The following ADAM12 variants were observed in gnomAD, a reference collection of about 807,000 sequenced individuals.
The protein encoded by ADAM12 is ADAM metallopeptidase domain 12, also known as disintegrin and metalloproteinase domain-containing protein 12.
ADAM12 carries 70 observed loss-of-function variants against 106.4 expected under a neutral mutation model. The observed-to-expected ratio is 0.66, with a 90% CI of 0.54 to 0.80. The LOEUF is 0.80. Ranked by LOEUF, ADAM12 falls within the 30% of genes least tolerant of loss-of-function variation. The probability of loss-of-function intolerance (pLI) is 0.00; values close to 1 mark genes in which losing one functional copy is unlikely to be tolerated. For synonymous variants in ADAM12, 420 were observed against 433.5 expected, an observed-to-expected ratio of 0.97 and a Z score of 0.39; for missense variants, 1,010 against 1,171.9, an observed-to-expected ratio of 0.86 and a Z score of 2.02.
chr10:126,238,571 T>C (rs1460282548), intron 3 of ADAM12, among the ~76,000 whole-genome samples: 1 of 152,244 alleles, frequency 6.6e-6, no homozygotes, highest in East Asian at 1.9e-4. Context: ...ACTATCTATA[T>C]GCATCCCAAA....
chr10:126,055,863 C>T (rs11244793), intron 14 of ADAM12, among the ~76,000 whole-genome samples: 1,992 of 152,314 alleles, frequency 0.013, 43 homozygotes, highest in African/African-American at 0.045. Flanking sequence ...ACCTGGGTCA[C>T]GGCCTACCCC....
chr10:126,252,055 G>A (rs1958789064), intron 3 of ADAM12, among the ~76,000 whole-genome samples: 2 of 145,550 alleles, frequency 1.4e-5, no homozygotes, highest in Non-Finnish European at 3.0e-5. Context: ...ATGGATGGAT[G>A]AGATGGATGA....
At chr10:126,191,633 C>A (rs1465408244) in intron 3 of ADAM12, among the ~76,000 whole-genome samples, 1 of 151,950 alleles carries the variant, frequency 6.6e-6, no homozygotes, top group Non-Finnish European at 1.5e-5. Context: ...AGGATTAGGA[C>A]AAAATTTAAG....
chr10:126,120,721 T>G (rs1443998495), intron 5 of ADAM12, among the ~76,000 whole-genome samples: 1 of 151,558 alleles, frequency 6.6e-6, no homozygotes, highest in Non-Finnish European at 1.5e-5. Context: ...TTTCCTTCAG[T>G]TCAGCATGTC....
chr10:126,121,263 T>G (rs1224086194), intron 5 of ADAM12, among the ~76,000 whole-genome samples: 2 of 110,402 alleles, frequency 1.8e-5, no homozygotes, highest in East Asian at 2.4e-4. Flanking sequence ...ATACTATATA[T>G]TATATAATAT....
chr10:126,278,845 T>A, intron 3 of ADAM12, 70 bp downstream of exon 3: 1 of 1,210,440 alleles, frequency 8.3e-7, no homozygotes, highest in Non-Finnish European at 1.2e-6. Flanking sequence ...CCAACATAAA[T>A]CACAGAGCAC....
chr10:126,061,001 C>G (rs1954744430), intron 14 of ADAM12, among the ~76,000 whole-genome samples: 1 of 152,266 alleles, frequency 6.6e-6, no homozygotes, highest in Admixed American at 6.5e-5. Flanking sequence ...GTTGGCCCCA[C>G]TGTCCCTTTG....
At chr10:126,126,548 C>T (rs1444533013) in intron 5 of ADAM12, among the ~76,000 whole-genome samples, 2 of 133,714 alleles carry the variant, frequency 1.5e-5, no homozygotes, top group Non-Finnish European at 3.1e-5. Flanking sequence ...TAAGACTGAA[C>T]TAGAGGCTTT....
chr10:126,086,839 G>C (rs1955366856), intron 11 of ADAM12, among the ~76,000 whole-genome samples: 2 of 149,850 alleles, frequency 1.3e-5, no homozygotes, highest in African/African-American at 4.9e-5. Flanking sequence ...TTCCAGACCA[G>C]CCTGGCCAAC....
At chr10:126,333,135 C>T (rs749490059) in intron 1 of ADAM12, among the ~76,000 whole-genome samples, 8 of 152,294 alleles carry the variant, frequency 5.3e-5, no homozygotes, top group Non-Finnish European at 7.3e-5. Context: ...AAAGCGATCG[C>T]GAGCATTTTA....
rs1854361414 is a variant in ADAM12 at position 126,327,881 on chromosome 10, A to G, written c.186+2531T>C. On this transcript the variant is annotated intron_variant, in intron 2 of 22. Transcript: ENST00000448723. Reference sequence around the variant, plus strand: ...CCACAGTGAGTTCACACATGGGAGGAGCCCTGTGGGAAATCTTGGCCCCTG... The same window carrying G: ...CCACAGTGAGTTCACACATGGGAGGGGCCCTGTGGGAAATCTTGGCCCCTG... Among the ~76,000 whole-genome samples the G allele has an allele frequency of 4.6e-5, 7 of 152,252 alleles. No individual in the cohort carries two copies. The South Asian group carries it at 1.5e-3, about 32-fold the overall frequency.
intron 3 of ADAM12, among the ~76,000 whole-genome samples, chr10:126,232,227 A>C (rs1958326423): frequency 2.0e-5 from 3 of 152,204 alleles, no homozygotes; most frequent in Non-Finnish European, 1.5e-5. Context: ...CTTATAAGAG[A>C]CAAGCAGGAG....
At chr10:126,162,961 A>G (rs1676741) in intron 3 of ADAM12, among the ~76,000 whole-genome samples, 141,054 of 152,150 alleles carry the variant, frequency 0.93, 65,508 homozygotes, top group Middle Eastern at 0.98. Context: ...CTGTCTTCGT[A>G]AGAATGAGTT....
intron 3 of ADAM12, among the ~76,000 whole-genome samples, chr10:126,264,692 G>C (rs1273717236): frequency 6.6e-6 from 1 of 152,108 alleles, no homozygotes; most frequent in Non-Finnish European, 1.5e-5. Context: ...CCTTCAGTGG[G>C]ACTAAGCCTG....
At chr10:126,337,022 T>C (rs1854726414) in intron 1 of ADAM12, among the ~76,000 whole-genome samples, 1 of 152,212 alleles carries the variant, frequency 6.6e-6, no homozygotes, top group African/African-American at 2.4e-5. Context: ...TGCAAACATG[T>C]ACATGGTGTA....
At chr10:126,246,496 G>C (rs988499554) in intron 3 of ADAM12, among the ~76,000 whole-genome samples, 2 of 152,154 alleles carry the variant, frequency 1.3e-5, no homozygotes, top group African/African-American at 4.8e-5. Flanking sequence ...GAAAATACTG[G>C]CAAACAGAAT....
Position 126,066,699 on chromosome 10 carries a change from GT to G in ADAM12, c.1413+17del, listed in dbSNP as rs1425457675. 6.2e-7 allele frequency: 1 copy of G among 1,613,374 alleles called. No individual in the cohort carries two copies. The highest frequency in any genetic ancestry group is 8.5e-7 in the Non-Finnish European group (1 of 1,179,282). ...CTGTTGGCGACCTGGGGGTCAAGTT[GT>G]AGCTCCGGTGACTCACCTGGCAGTC... On this transcript the variant is annotated intron_variant, in intron 13 of 22. Coordinates refer to ENST00000448723, the MANE Select transcript of ADAM12 (RefSeq NM_001288973.2). The surrounding 1 kb of genome is among the most constrained non-coding windows in gnomAD (Gnocchi z 5.1).
intron 3 of ADAM12, among the ~76,000 whole-genome samples, chr10:126,167,170 C>T (rs769186404): frequency 9.9e-5 from 15 of 152,262 alleles, no homozygotes; most frequent in South Asian, 4.2e-4. Flanking sequence ...AGGCACTTTA[C>T]GTGTATTTTT....
chr10:126,203,775 T>C (rs990122952), intron 3 of ADAM12, among the ~76,000 whole-genome samples: 1 of 152,206 alleles, frequency 6.6e-6, no homozygotes, highest in Non-Finnish European at 1.5e-5. Flanking sequence ...TTCATAACTT[T>C]GGGCAATGTG....
Sources: gnomAD v4.1 joint callset for allele counts (sites outside exome capture counted in the v4.1 genomes callset) on GRCh38, gnomAD v4.1.1 for gene constraint, Gnocchi (gnomAD v3.1) non-coding constraint, MANE v1.5 for transcripts, NCBI Gene and HGNC (gene_info 2026-07-23, HGNC 2026-07-21) for gene names.